The following KHDRBS3 variants were observed in gnomAD, a reference collection of about 807,000 sequenced individuals.
The protein encoded by KHDRBS3 is KH domain-containing, RNA-binding, signal transduction-associated protein 3.
A neutral mutation model predicts 45.6 loss-of-function variants in KHDRBS3; 23 were observed. The ratio of observed to expected loss-of-function variants is 0.50; its 90% CI spans 0.36 to 0.72. KHDRBS3 has a LOEUF of 0.72. Among genes scored for constraint, KHDRBS3 ranks in the 30% least tolerant of loss-of-function variants. KHDRBS3 has a pLI of 0.00. For synonymous variants in KHDRBS3, 162 were observed against 156.5 expected (o/e 1.04, Z -0.26); for missense variants, 352 against 424.8 (o/e 0.83, Z 1.51).
chr8:135,574,889 A>G (rs758487220), intron 5 of KHDRBS3, among the ~76,000 whole-genome samples: 3 of 152,196 alleles, frequency 2.0e-5, no homozygotes, highest in Non-Finnish European at 4.4e-5. Flanking sequence ...GCACTGTCTC[A>G]TGTTTCTCTC....
At chr8:135,651,681 G>C (rs1831433893), downstream of KHDRBS3, among the ~76,000 whole-genome samples, 1 of 152,180 alleles carries the variant, frequency 6.6e-6, no homozygotes, top group African/African-American at 2.4e-5. Context: ...ACAAGCTTCT[G>C]TTTCCACTGG....
chr8:135,554,331 A>G (rs1045685379), intron 4 of KHDRBS3, among the ~76,000 whole-genome samples: 33 of 152,284 alleles, frequency 2.2e-4, no homozygotes, highest in African/African-American at 6.3e-4. Flanking sequence ...TTAACTTCAT[A>G]CAATTTAGTA....
intron 5 of KHDRBS3, among the ~76,000 whole-genome samples, chr8:135,572,985 A>G (rs73712071): frequency 0.014 from 2,176 of 152,346 alleles, 42 homozygotes; most frequent in African/African-American, 0.049. Context: ...TAGGAATGTT[A>G]TAGGAAAGAT....
chr8:135,522,233 G>A (rs1824950109), intron 2 of KHDRBS3, among the ~76,000 whole-genome samples: 1 of 152,178 alleles, frequency 6.6e-6, no homozygotes, highest in African/African-American at 2.4e-5. Flanking sequence ...GTCTGCTGAA[G>A]ATAATAGCTT....
chr8:135,482,986 G>C (rs776596779), intron 1 of KHDRBS3, among the ~76,000 whole-genome samples: 1 of 152,106 alleles, frequency 6.6e-6, no homozygotes, highest in Non-Finnish European at 1.5e-5. Context: ...AACGATGTAC[G>C]TAAAATAACA....
intron 1 of KHDRBS3, among the ~76,000 whole-genome samples, chr8:135,515,365 TAAAAAAAAAAAAAAAAAAAAAAAAA>T (rs59502823): frequency 3.8e-4 from 15 of 39,740 alleles, no homozygotes; most frequent in African/African-American, 1.1e-3. Context: ...GACTCCGTCT[TAAAAAAAAAAAAAAAAAAAAAAAAA>T]AAAAAAAAAA....
intron 1 of KHDRBS3, among the ~76,000 whole-genome samples, chr8:135,469,108 C>T (rs1821846040): frequency 6.6e-6 from 1 of 152,200 alleles, no homozygotes; most frequent in Admixed American, 6.5e-5. Flanking sequence ...GACTCCAGCA[C>T]CAATCAATTG....
intron 6 of KHDRBS3, among the ~76,000 whole-genome samples, chr8:135,598,057 G>C (rs1829048439): frequency 6.6e-6 from 1 of 152,214 alleles, no homozygotes; most frequent in Non-Finnish European, 1.5e-5. Context: ...GCTGTATTCA[G>C]ATGTGGATAG....
intron 5 of KHDRBS3, among the ~76,000 whole-genome samples, chr8:135,580,240 G>A (rs892317543): frequency 3.3e-5 from 5 of 152,174 alleles, no homozygotes; most frequent in Non-Finnish European, 2.9e-5. Context: ...TTTGAACGAG[G>A]CACTTCCAAT....
intron 7 of KHDRBS3, among the ~76,000 whole-genome samples, chr8:135,628,166 C>A (rs928237963): frequency 2.0e-5 from 3 of 151,974 alleles, no homozygotes; most frequent in Non-Finnish European, 4.4e-5. Context: ...GTTCAGGTAT[C>A]CCACCTCTGA....
intron 7 of KHDRBS3, among the ~76,000 whole-genome samples, chr8:135,628,451 A>G (rs933502045): frequency 3.3e-5 from 5 of 152,214 alleles, no homozygotes; most frequent in African/African-American, 1.2e-4. Flanking sequence ...TAAATGGCAG[A>G]AAAATGTTGT....
intron 1 of KHDRBS3, 181 bp downstream of exon 1, chr8:135,458,135 C>T: frequency 1.5e-6 from 2 of 1,364,564 alleles, no homozygotes; most frequent in South Asian, 1.6e-5. Flanking sequence ...TAGGGGAAGA[C>T]CCTGATGTGA....
intron 7 of KHDRBS3, among the ~76,000 whole-genome samples, chr8:135,640,496 A>G (rs558368295): frequency 1.1e-3 from 161 of 152,238 alleles, no homozygotes; most frequent in Middle Eastern, 6.8e-3. Context: ...TCTCAGTGCT[A>G]TGATTTGTTC....
chr8:135,582,260 C>A (rs1296049100), intron 6 of KHDRBS3, among the ~76,000 whole-genome samples, 187 bp downstream of exon 6: 2 of 152,174 alleles, frequency 1.3e-5, no homozygotes, highest in Non-Finnish European at 2.9e-5. Flanking sequence ...ATGGCCTGAT[C>A]TTTTTCATCA....
intron 2 of KHDRBS3, among the ~76,000 whole-genome samples, chr8:135,538,211 TG>T (rs1243595757): frequency 1.3e-5 from 2 of 152,078 alleles, no homozygotes; most frequent in African/African-American, 4.8e-5. Context: ...GGCTTTTGGG[TG>T]GAGCTTGTCT....
At chr8:135,613,776 T>C (rs924763154) in intron 7 of KHDRBS3, among the ~76,000 whole-genome samples, 18 of 151,662 alleles carry the variant, frequency 1.2e-4, no homozygotes, top group Admixed American at 1.3e-4. Flanking sequence ...AGCCATATCC[T>C]ACCTGAAAAC....
At chr8:135,559,167 G>A (rs958636497) in intron 5 of KHDRBS3, among the ~76,000 whole-genome samples, 2 of 151,550 alleles carry the variant, frequency 1.3e-5, no homozygotes, top group Admixed American at 6.6e-5. Context: ...AGGTAACCTT[G>A]TCTAGAAATT....
intron 1 of KHDRBS3, among the ~76,000 whole-genome samples, chr8:135,519,751 G>A (rs1233305588): frequency 1.3e-5 from 2 of 152,196 alleles, no homozygotes; most frequent in Non-Finnish European, 2.9e-5. Flanking sequence ...CCTTTAAATT[G>A]TAATAATTCT....
chr8:135,537,501 A>G (rs1825838980), intron 2 of KHDRBS3, among the ~76,000 whole-genome samples: 1 of 152,222 alleles, frequency 6.6e-6, no homozygotes, highest in Non-Finnish European at 1.5e-5. Flanking sequence ...ATTGTAGCTT[A>G]TACATCATGC....
Sources: gnomAD v4.1 joint callset for allele counts (sites outside exome capture counted in the v4.1 genomes callset) on GRCh38, gnomAD v4.1.1 for gene constraint, MANE v1.5 for transcripts, NCBI Gene and HGNC (gene_info 2026-07-23, HGNC 2026-07-21) for gene names.